Variants in CADM1 observed in about 807,000 individuals in gnomAD.
CADM1 encodes the protein TSLC-1.
Under a neutral mutation model 53.1 loss-of-function variants are expected in CADM1, and 15 were observed. The observed-to-expected ratio is 0.28, with a 90% CI of 0.19 to 0.44. The LOEUF (loss-of-function observed/expected upper bound fraction) is 0.44. CADM1 is among the 20% of genes least tolerant of loss of function. The pLI is 1.00. For missense variants in CADM1, 434 were observed against 611.3 expected (o/e 0.71, Z 3.06); for synonymous variants, 281 against 243.0 (o/e 1.16, Z -1.45).
chr11:115,226,887 G>C (rs1448678267), intron 5 of CADM1, among the ~76,000 whole-genome samples: 3 of 152,214 alleles, frequency 2.0e-5, no homozygotes, highest in African/African-American at 4.8e-5. Context: ...GGCTGACTCT[G>C]CAAAGTTCTC....
intron 1 of CADM1, among the ~76,000 whole-genome samples, chr11:115,421,287 T>C (rs1947749702): frequency 6.6e-6 from 1 of 152,220 alleles, no homozygotes; most frequent in Non-Finnish European, 1.5e-5. Context: ...AGCAAGCCAG[T>C]GTTTCAGCTA....
At chr11:115,190,155 T>G (rs1279665798) in intron 10 of CADM1, among the ~76,000 whole-genome samples, 1 of 152,206 alleles carries the variant, frequency 6.6e-6, no homozygotes, top group South Asian at 2.1e-4. Flanking sequence ...TGGAAAGGTT[T>G]AAGCCATAGC....
At chr11:115,401,567 C>A (rs951842365) in intron 1 of CADM1, among the ~76,000 whole-genome samples, 1 of 152,098 alleles carries the variant, frequency 6.6e-6, no homozygotes, top group African/African-American at 2.4e-5. Context: ...GAGATTGTGC[C>A]ACTGTACTCC....
chr11:115,299,698 A>G (rs1310186841), intron 1 of CADM1, among the ~76,000 whole-genome samples: 1 of 152,132 alleles, frequency 6.6e-6, no homozygotes, highest in Non-Finnish European at 1.5e-5. Context: ...TCCATTATAC[A>G]TTCTTAAGAA....
rs1565273686 is a variant in CADM1, at chr11:115,169,650, AAG to A, written c.*6822_*6823del. 1 of 456,498 alleles carries A rather than the reference AAG, an allele frequency of 2.2e-6. No homozygotes were observed. Among genetic ancestry groups the A allele is most frequent in the Non-Finnish European group, 4.4e-6 (1 of 226,870 alleles). 28.3% of individuals were successfully genotyped at this position (456,498 alleles called of 1,614,324 possible). ...GCCTAGAGAGAGGGAGAGAAAGAGA[AAG>A]AGAGAGAGATGGATAGTAATTTCGT... is the stretch of plus-strand genomic sequence containing the variant. On this transcript the variant is annotated 3_prime_UTR_variant, in exon 12 of 12. Coordinates refer to ENST00000331581, the MANE Select transcript of CADM1 (RefSeq NM_001301043.2).
intron 1 of CADM1, among the ~76,000 whole-genome samples, chr11:115,498,621 A>G (rs1479489596): frequency 6.6e-6 from 1 of 152,222 alleles, no homozygotes; most frequent in Non-Finnish European, 1.5e-5. Context: ...AAAATAAACC[A>G]AACCATAGGA....
chr11:115,487,959 A>T (rs1461991525), intron 1 of CADM1, among the ~76,000 whole-genome samples: 1 of 152,144 alleles, frequency 6.6e-6, no homozygotes, highest in Non-Finnish European at 1.5e-5. Flanking sequence ...GCTGAAAAAG[A>T]TATATCTGCT....
intron 1 of CADM1, among the ~76,000 whole-genome samples, chr11:115,388,779 G>A (rs907095385): frequency 6.6e-5 from 10 of 152,128 alleles, no homozygotes; most frequent in Non-Finnish European, 1.3e-4. Context: ...AAGAAAGCCT[G>A]AAGAACTGTT....
intron 8 of CADM1, among the ~76,000 whole-genome samples, chr11:115,198,879 A>T (rs1236782386): frequency 2.0e-5 from 3 of 152,222 alleles, no homozygotes; most frequent in African/African-American, 7.2e-5. Context: ...TTTTAACCCA[A>T]CCCACCCGGG....
intron 1 of CADM1, among the ~76,000 whole-genome samples, chr11:115,324,220 A>T (rs1433529747): frequency 6.6e-6 from 1 of 152,162 alleles, no homozygotes; most frequent in Admixed American, 6.5e-5. Flanking sequence ...CCCTTAATGT[A>T]CCCGTAAAAG....
At chr11:115,189,761 A>C (rs1468627802) in intron 10 of CADM1, among the ~76,000 whole-genome samples, 1 of 152,236 alleles carries the variant, frequency 6.6e-6, no homozygotes, top group Non-Finnish European at 1.5e-5. Context: ...TACTTAGTAC[A>C]TGACAGGTGT....
chr11:115,250,616 C>T (rs1265246124), intron 1 of CADM1, among the ~76,000 whole-genome samples: 1 of 152,176 alleles, frequency 6.6e-6, no homozygotes, highest in African/African-American at 2.4e-5. Context: ...ATTAAGAAAA[C>T]TCTCACTGCT....
At chr11:115,288,107 A>G (rs1943780248) in intron 1 of CADM1, among the ~76,000 whole-genome samples, 1 of 152,188 alleles carries the variant, frequency 6.6e-6, no homozygotes, top group African/African-American at 2.4e-5. Flanking sequence ...CAGCCAAGTG[A>G]ATATCTGTGA....
chr11:115,458,427 A>G (rs968550278), intron 1 of CADM1, among the ~76,000 whole-genome samples: 1 of 151,760 alleles, frequency 6.6e-6, no homozygotes, highest in Non-Finnish European at 1.5e-5. Context: ...AGATAAGACA[A>G]TAAATGTAAA....
Position 115,174,239 on chromosome 11 carries a change from G to C in CADM1, c.*2235C>G. 1 of 984,654 alleles carries C rather than the reference G, an allele frequency of 1.0e-6. No individual in the cohort carries two copies. The highest frequency in any genetic ancestry group is 1.2e-6 in the Non-Finnish European group (1 of 829,786). The allele number at this position is 984,654 out of a possible 1,614,324, so 61.0% of individuals were successfully genotyped here. ...GAAAGATGGGAGGTCCCAAAAATGA[G>C]ATGCCAATTCTGTGAGCAATGGTGT... On this transcript the variant is annotated 3_prime_UTR_variant, in exon 12 of 12. Coordinates refer to ENST00000331581, the MANE Select transcript of CADM1 (RefSeq NM_001301043.2).
At chr11:115,257,042 A>G (rs1942812519) in intron 1 of CADM1, among the ~76,000 whole-genome samples, 1 of 152,246 alleles carries the variant, frequency 6.6e-6, no homozygotes, top group East Asian at 1.9e-4. Flanking sequence ...AATTGTGCAC[A>G]GCCATAATTT....
intron 5 of CADM1, among the ~76,000 whole-genome samples, chr11:115,219,129 A>G (rs1253658509): frequency 3.3e-5 from 5 of 152,142 alleles, no homozygotes; most frequent in African/African-American, 1.2e-4. Flanking sequence ...CAAAATAATT[A>G]CCATAGTTTT....
chr11:115,459,962 T>C (rs916329237), intron 1 of CADM1, among the ~76,000 whole-genome samples: 2 of 152,222 alleles, frequency 1.3e-5, no homozygotes, highest in African/African-American at 4.8e-5. Context: ...TTAAACCCTC[T>C]ACTGATTTCC....
chr11:115,193,319 T>C (rs1416585890), intron 9 of CADM1, among the ~76,000 whole-genome samples: 1 of 152,240 alleles, frequency 6.6e-6, no homozygotes, highest in Non-Finnish European at 1.5e-5. Flanking sequence ...ATTCAACATA[T>C]GTCTTTAAAC....
Sources: allele counts gnomAD v4.1 joint callset (sites outside exome capture counted in the v4.1 genomes callset), GRCh38; gene constraint gnomAD v4.1.1; transcripts MANE v1.5; gene names NCBI Gene and HGNC (gene_info 2026-07-23, HGNC 2026-07-21).